ZC3H3: variants seen among roughly 807,000 people sequenced by gnomAD.
ZC3H3 encodes zinc finger CCCH-type containing 3.
A neutral mutation model predicts 77.3 loss-of-function variants in ZC3H3; 36 were observed. The observed-to-expected ratio is 0.47, with a 90% CI of 0.36 to 0.61. The LOEUF is 0.61. ZC3H3 is among the 20% of genes least tolerant of loss of function. The pLI, the probability that ZC3H3 is intolerant of heterozygous loss-of-function variation, is 0.00. For synonymous variants in ZC3H3, 626 were observed against 555.2 expected, an observed-to-expected ratio of 1.13 and a Z score of -1.79; for missense variants, 1,331 against 1,312.2, an observed-to-expected ratio of 1.01 and a Z score of -0.22.
At chr8:143,483,306 G>A (rs747937825) in intron 4 of ZC3H3, among the ~76,000 whole-genome samples, 19 of 152,346 alleles carry the variant, frequency 1.2e-4, no homozygotes, top group Non-Finnish European at 2.5e-4. Flanking sequence ...ATGCGTGTGC[G>A]CGTGTGGGGC....
intron 9 of ZC3H3, among the ~76,000 whole-genome samples, chr8:143,449,441 G>A (rs1218146929): frequency 6.6e-6 from 1 of 152,216 alleles, no homozygotes; most frequent in African/African-American, 2.4e-5. Context: ...CACCAGATTG[G>A]TTGTGTACAG....
chr8:143,495,133 C>T (rs1821312682), intron 4 of ZC3H3, among the ~76,000 whole-genome samples: 1 of 152,220 alleles, frequency 6.6e-6, no homozygotes, highest in Non-Finnish European at 1.5e-5. Flanking sequence ...TGCACAAGGA[C>T]TCAGCAGGCT....
rs1378484531 is a variant in ZC3H3, at chr8:143,541,373, T to C, written c.46+3A>G. ...CTCGCGTCCCGGCCCCGGCCGGACC[T>C]ACCCTGCAGTAGGCGGATCTGCCGC... On this transcript the variant is annotated splice_donor_region_variant and intron_variant, in intron 1 of 11. Coordinates refer to ENST00000262577, the MANE Select transcript of ZC3H3 (RefSeq NM_015117.3). 1.2e-6 allele frequency: 2 copies of C among 1,610,082 alleles called. No homozygotes were observed. Among genetic ancestry groups the C allele is most frequent in the East Asian group, 2.2e-5 (1 of 44,510 alleles).
At chr8:143,531,489 G>A (rs1389187474) in intron 3 of ZC3H3, among the ~76,000 whole-genome samples, 3 of 152,212 alleles carry the variant, frequency 2.0e-5, no homozygotes, top group African/African-American at 7.2e-5. Context: ...CTTCCAAACA[G>A]TCTCAGTCCC....
At chr8:143,497,653 G>A (rs1359447871) in intron 4 of ZC3H3, among the ~76,000 whole-genome samples, 1 of 152,330 alleles carries the variant, frequency 6.6e-6, no homozygotes, top group African/African-American at 2.4e-5. Context: ...GAGGGCCCTG[G>A]GCAGCCAGGG....
At chr8:143,449,424 A>C (rs1372263354) in intron 9 of ZC3H3, among the ~76,000 whole-genome samples, 5 of 152,244 alleles carry the variant, frequency 3.3e-5, no homozygotes, top group African/African-American at 1.2e-4. Context: ...TGCTGCTTAG[A>C]AACTTCCACC....
chr8:143,440,016 G>A (rs1819690982), intron 11 of ZC3H3, 25 bp downstream of exon 11: 8 of 1,478,332 alleles, frequency 5.4e-6, no homozygotes, highest in Non-Finnish European at 7.2e-6. Flanking sequence ...GGCCCTGGGG[G>A]CCCGAGCCAG....
intron 4 of ZC3H3, among the ~76,000 whole-genome samples, chr8:143,495,619 T>G (rs533248896): frequency 6.6e-6 from 1 of 152,250 alleles, no homozygotes; most frequent in East Asian, 1.9e-4. Context: ...AGTCTCACTT[T>G]TTCACCCAGG....
chr8:143,475,968 A>G lies in ZC3H3; in HGVS notation c.1716-383T>C, dbSNP rs113197136. Among the ~76,000 whole-genome samples the G allele has an allele frequency of 4.9e-3, 739 of 152,268 alleles. 9 individuals are homozygous for G. Among genetic ancestry groups the G allele is most frequent in the African/African-American group, 0.017 (715 of 41,556 alleles). ...ATATAACCACCCCTGGGCCCTGACCACCTGGCTGTGTGCTGCAGGGTAAGG... is the reference window on the plus strand; with the variant it reads ...ATATAACCACCCCTGGGCCCTGACCGCCTGGCTGTGTGCTGCAGGGTAAGG... On this transcript the variant is annotated intron_variant, in intron 4 of 11. Transcript: ENST00000262577.
At position 143,536,807 on chromosome 8, in the gene ZC3H3, C is replaced by T. The variant is rs546134010; in HGVS notation, c.1365-354G>A. 1.1e-4 allele frequency among the ~76,000 whole-genome samples: 17 copies of T among 152,286 alleles called. No individual in the cohort carries two copies. In the East Asian group the frequency reaches 3.3e-3, roughly 29 times the overall value. On this transcript the variant is annotated intron_variant, in intron 2 of 11. Transcript: ENST00000262577. Reference sequence around the variant, plus strand: ...CTCTACGTGGGGCAAAGAGAAGGGCCGACATCCCTGAGGAGAGCGGCCACC... The same window carrying T: ...CTCTACGTGGGGCAAAGAGAAGGGCTGACATCCCTGAGGAGAGCGGCCACC...
At chr8:143,517,170 G>A (rs181207757) in intron 3 of ZC3H3, among the ~76,000 whole-genome samples, 13 of 152,320 alleles carry the variant, frequency 8.5e-5, no homozygotes, top group East Asian at 1.9e-4. Flanking sequence ...GCGAGCCATC[G>A]ATCGCACGCC....
chr8:143,496,183 A>T (rs1821345938), intron 4 of ZC3H3, among the ~76,000 whole-genome samples: 1 of 152,168 alleles, frequency 6.6e-6, no homozygotes. Flanking sequence ...TTGTGCTGTC[A>T]GGGTGCGGGT....
At chr8:143,469,630 T>C (rs976406646) in intron 5 of ZC3H3, among the ~76,000 whole-genome samples, 6 of 152,174 alleles carry the variant, frequency 3.9e-5, no homozygotes, top group Admixed American at 3.9e-4. Flanking sequence ...GAAATGGACC[T>C]TGGGGCTGGA....
intron 3 of ZC3H3, among the ~76,000 whole-genome samples, chr8:143,513,868 G>T (rs539952457): frequency 6.6e-6 from 1 of 152,336 alleles, no homozygotes; most frequent in Non-Finnish European, 1.5e-5. Context: ...GAGGCTGGTG[G>T]GGGTGGACAG....
chr8:143,474,052 C>A (rs1171767391), intron 5 of ZC3H3, among the ~76,000 whole-genome samples: 1 of 152,194 alleles, frequency 6.6e-6, no homozygotes, highest in African/African-American at 2.4e-5. Flanking sequence ...ACGGCAGCAT[C>A]CCCCAGGGGC....
chr8:143,453,021 T>A (rs1820026519), intron 9 of ZC3H3, among the ~76,000 whole-genome samples: 1 of 152,196 alleles, frequency 6.6e-6, no homozygotes, highest in Admixed American at 6.5e-5. Context: ...CAAAGACATC[T>A]ACCCCAGATG....
At chr8:143,498,791 T>C (rs1308541843) in intron 4 of ZC3H3, among the ~76,000 whole-genome samples, 6 of 23,810 alleles carry the variant, frequency 2.5e-4, no homozygotes, top group African/African-American at 1.1e-3. Context: ...GGGCAGGGGG[T>C]ACAGGGCGGG....
chr8:143,482,567 T>C (rs1820934526), intron 4 of ZC3H3, among the ~76,000 whole-genome samples: 1 of 152,002 alleles, frequency 6.6e-6, no homozygotes, highest in African/African-American at 2.4e-5. Context: ...TGCCAGGGCT[T>C]GGTCAGCAGA....
chr8:143,446,424 T>C (rs917134506), intron 9 of ZC3H3, among the ~76,000 whole-genome samples: 1 of 152,216 alleles, frequency 6.6e-6, no homozygotes, highest in African/African-American at 2.4e-5. Flanking sequence ...CAGGACATTA[T>C]ATGTATTTTT....
Sources: allele counts gnomAD v4.1 joint callset (sites outside exome capture counted in the v4.1 genomes callset), GRCh38; gene constraint gnomAD v4.1.1; transcripts MANE v1.5; gene names NCBI Gene and HGNC (gene_info 2026-07-23, HGNC 2026-07-21).